ZDHHC15: variants seen among roughly 807,000 people sequenced by gnomAD.
ZDHHC15 encodes the protein zDHHC palmitoyltransferase 15.
Under a neutral mutation model 31.7 loss-of-function variants are expected in ZDHHC15, and 19 were observed. That is an observed-to-expected ratio of 0.60 (90% confidence interval 0.42 to 0.88). The LOEUF is 0.88. ZDHHC15 is among the 40% of genes least tolerant of loss of function. The probability of loss-of-function intolerance (pLI) is 0.00; values close to 1 mark genes in which losing one functional copy is unlikely to be tolerated. For synonymous variants in ZDHHC15, 103 were observed against 90.0 expected (o/e 1.14, Z -0.82); for missense variants, 209 against 251.2 (o/e 0.83, Z 1.14).
chrX:75,450,638 G>T, intron 4 of ZDHHC15, 164 bp downstream of exon 4: 1 of 1,041,161 alleles, frequency 9.6e-7, no homozygotes. Flanking sequence ...TTCCAGCTTT[G>T]ATATGTGTTT....
At chrX:75,395,458 G>A in intron 10 of ZDHHC15, among the ~76,000 whole-genome samples, 1 of 110,890 alleles carries the variant, frequency 9.0e-6, no homozygotes, top group South Asian at 3.8e-4. Context: ...TTCACAATAG[G>A]TAAAATAAAA....
rs1436535040 is a variant in ZDHHC15, at chrX:75,523,014, C to T, written c.11G>A (p.Gly4Asp). ...CCCCCCAGACAGAGCCATCTTCCAG[C>T]CTCGCCGCATCTTTGGCTCGAAGAT... MRR[G>D]WKMALSGGLR... is the part of the protein sequence containing the mutation. Residue 4 changes from glycine (G) to aspartate (D), a missense_variant, in exon 1 of 12, where the codon GGC becomes GAC. Physicochemically the swap from Gly to Asp is moderately conservative, Grantham distance 94 (BLOSUM62 -1). Transcript: ENST00000373367. The T allele has an allele frequency of 4.1e-6, 5 of 1,208,927 alleles. No homozygotes were observed. Among genetic ancestry groups the T allele is most frequent in the Non-Finnish European group, 5.6e-6 (5 of 894,033 alleles).
intron 4 of ZDHHC15, 169 bp downstream of exon 4, chrX:75,450,633 G>A (rs1474696784): frequency 2.9e-6 from 3 of 1,020,042 alleles, no homozygotes; most frequent in Non-Finnish European, 3.9e-6. Flanking sequence ...AATTCTTCCA[G>A]CTTTGATATG....
intron 2 of ZDHHC15, among the ~76,000 whole-genome samples, chrX:75,502,947 C>T: frequency 1.8e-5 from 2 of 110,291 alleles, no homozygotes; most frequent in Middle Eastern, 9.3e-3. Flanking sequence ...AGGGTGACAA[C>T]AGTCAATATT....
At chrX:75,457,807 A>G (rs1168415405) in intron 3 of ZDHHC15, among the ~76,000 whole-genome samples, 2 of 111,616 alleles carry the variant, frequency 1.8e-5, no homozygotes, top group African/African-American at 3.3e-5. Flanking sequence ...AACAAACAAT[A>G]CAAAAACTAT....
chrX:75,422,166 A>C (rs1181026545), intron 8 of ZDHHC15, among the ~76,000 whole-genome samples, 176 bp from the exon 9 acceptor site: 1 of 112,249 alleles, frequency 8.9e-6, no homozygotes, highest in Non-Finnish European at 1.9e-5. Context: ...AGTAAAAACC[A>C]GTTTAATCAC....
chrX:75,378,726 C>G (rs1209380442), intron 11 of ZDHHC15, among the ~76,000 whole-genome samples: 1 of 111,277 alleles, frequency 9.0e-6, no homozygotes, highest in Non-Finnish European at 1.9e-5. Flanking sequence ...GTGGGGAAGA[C>G]TAGGTTATTA....
At chrX:75,459,066 A>T (rs2084272052) in intron 3 of ZDHHC15, among the ~76,000 whole-genome samples, 1 of 105,119 alleles carries the variant, frequency 9.5e-6, no homozygotes, top group Admixed American at 1.0e-4. Flanking sequence ...TCAGGAAATC[A>T]CTCTTCTCCC....
At chrX:75,456,532 T>C (rs1177169409) in intron 3 of ZDHHC15, among the ~76,000 whole-genome samples, 1 of 110,899 alleles carries the variant, frequency 9.0e-6, no homozygotes, top group African/African-American at 3.3e-5. Context: ...TGGCAATAAT[T>C]AAAAAGTCTG....
At position 75,481,856 on chromosome X, in the gene ZDHHC15, CA is replaced by C. The variant is rs770283295; in HGVS notation, c.164-2872del. Among the ~76,000 whole-genome samples, 12 of 112,111 alleles carry C rather than the reference CA, an allele frequency of 1.1e-4. No individual in the cohort carries two copies. The Admixed American group carries it at 1.1e-3, about 11-fold the overall frequency. On this transcript the variant is annotated intron_variant, in intron 2 of 11. Coordinates refer to ENST00000373367, the MANE Select transcript of ZDHHC15 (RefSeq NM_144969.3). ...TAAAGGTTATTAAGATGCTGCAGATCAGGGGGAGGTTTGTCAGCCAGACGGT... is the reference window on the plus strand; with the variant it reads ...TAAAGGTTATTAAGATGCTGCAGATCGGGGGAGGTTTGTCAGCCAGACGGT...
rs776407280 is a variant in ZDHHC15 at position 75,372,669 on chromosome X, G to A, written c.*309C>T. 2.7e-5 allele frequency: 3 copies of A among 111,430 alleles called. No homozygotes were observed. The highest frequency in any genetic ancestry group is 3.8e-5 in the Non-Finnish European group (2 of 53,048). The allele number at this position is 111,430 out of a possible 1,213,427, so 9.2% of individuals were successfully genotyped here. On this transcript the variant is annotated 3_prime_UTR_variant, in exon 12 of 12. Coordinates refer to ENST00000373367, the MANE Select transcript of ZDHHC15 (RefSeq NM_144969.3). Reference sequence around the variant, plus strand: ...TTTCCTTTTACCTGATAAGATGAATGAAAAGATATATTTTACATTTAGGCT... The same window carrying A: ...TTTCCTTTTACCTGATAAGATGAATAAAAAGATATATTTTACATTTAGGCT...
intron 9 of ZDHHC15, among the ~76,000 whole-genome samples, chrX:75,420,135 G>C (rs1287312801): frequency 9.0e-6 from 1 of 110,938 alleles, no homozygotes; most frequent in African/African-American, 3.3e-5. Context: ...CCATCAAAAA[G>C]TGGGCAAAGG....
intron 10 of ZDHHC15, among the ~76,000 whole-genome samples, chrX:75,399,138 C>A (rs987134117): frequency 9.0e-6 from 1 of 111,253 alleles, no homozygotes; most frequent in Non-Finnish European, 1.9e-5. Flanking sequence ...GAAAAAGTGG[C>A]CAGACTGTTA....
chrX:75,373,922 TTC>T (rs1420445539), intron 11 of ZDHHC15, among the ~76,000 whole-genome samples: 3 of 78,698 alleles, frequency 3.8e-5, no homozygotes, highest in African/African-American at 8.8e-5. Context: ...TATTCATTCT[TTC>T]TGTTTTTTTT....
chrX:75,516,805 C>G (rs911049890), intron 1 of ZDHHC15, among the ~76,000 whole-genome samples: 17 of 111,015 alleles, frequency 1.5e-4, no homozygotes, highest in African/African-American at 4.6e-4. Context: ...AGGCAACCTA[C>G]AGAATGGGAG....
chrX:75,397,712 C>T (rs1041239728), intron 10 of ZDHHC15, among the ~76,000 whole-genome samples: 4 of 110,986 alleles, frequency 3.6e-5, no homozygotes, highest in African/African-American at 9.9e-5. Flanking sequence ...TTCAGGTACT[C>T]ACATTGGGAT....
At chrX:75,474,969 A>C (rs2084577798) in intron 3 of ZDHHC15, among the ~76,000 whole-genome samples, 1 of 110,747 alleles carries the variant, frequency 9.0e-6, no homozygotes, top group African/African-American at 3.3e-5. Context: ...CTGAGGCAGG[A>C]GAATGGCGTG....
At chrX:75,478,028 G>A (rs373290333) in intron 3 of ZDHHC15, among the ~76,000 whole-genome samples, 3 of 110,814 alleles carry the variant, frequency 2.7e-5, no homozygotes, top group East Asian at 2.8e-4. Flanking sequence ...CCTAATGTTC[G>A]GAGGCTGGAA....
chrX:75,473,802 G>A lies in ZDHHC15; in HGVS notation c.258+5089C>T, dbSNP rs767295655. 6.3e-5 allele frequency among the ~76,000 whole-genome samples: 7 copies of A among 111,536 alleles called. No homozygotes were observed. In the East Asian group the frequency reaches 8.4e-4, roughly 13 times the overall value. On this transcript the variant is annotated intron_variant, in intron 3 of 11. Transcript: ENST00000373367. Reference sequence around the variant, plus strand: ...AACATATTTGTGCATGTATACACTCGTACTAAGAAAATATCTTCCATTTCC... The same window carrying A: ...AACATATTTGTGCATGTATACACTCATACTAAGAAAATATCTTCCATTTCC...
Sources: gnomAD v4.1 joint callset for allele counts (sites outside exome capture counted in the v4.1 genomes callset) on GRCh38, gnomAD v4.1.1 for gene constraint, MANE v1.5 for transcripts, NCBI Gene and HGNC (gene_info 2026-07-23, HGNC 2026-07-21) for gene names.